Variants in MEF2C observed in about 807,000 individuals in gnomAD.
MEF2C encodes myocyte-specific enhancer factor 2C.
Under a neutral mutation model 50.5 loss-of-function variants are expected in MEF2C, and 6 were observed. The observed-to-expected ratio is 0.12, with a 90% CI of 0.07 to 0.23. The LOEUF is 0.23. MEF2C is among the 10% of genes least tolerant of loss of function. MEF2C has a pLI of 1.00. For synonymous variants in MEF2C, 183 were observed against 228.0 expected, an observed-to-expected ratio of 0.80 and a Z score of 1.78; for missense variants, 276 against 605.0, an observed-to-expected ratio of 0.46 and a Z score of 5.70.
intron 3 of MEF2C, among the ~76,000 whole-genome samples, chr5:88,789,932 T>G (rs1792921390): frequency 6.6e-6 from 1 of 152,218 alleles, no homozygotes; most frequent in African/African-American, 2.4e-5. Context: ...ATTGATTATT[T>G]TGACCAAGAA....
intron 6 of MEF2C, chr5:88,734,148 G>A (rs1167926316): frequency 2.0e-6 from 2 of 984,578 alleles, no homozygotes; most frequent in Non-Finnish European, 2.4e-6. Flanking sequence ...AATATGTTAT[G>A]AACTTAGTTT....
chr5:88,830,985 G>A (rs976308311), intron 1 of MEF2C, among the ~76,000 whole-genome samples: 2 of 152,086 alleles, frequency 1.3e-5, no homozygotes, highest in African/African-American at 4.8e-5. Context: ...AAGCAAGCTA[G>A]GCTAGAAGTT....
At chr5:88,758,241 T>C (rs1470011896) in intron 4 of MEF2C, among the ~76,000 whole-genome samples, 1 of 152,158 alleles carries the variant, frequency 6.6e-6, no homozygotes, top group Non-Finnish European at 1.5e-5. Flanking sequence ...ATACATACTG[T>C]TTCTTTCCAC....
rs181728549 is a variant in MEF2C at position 88,875,530 on chromosome 5, C to G, written c.-143+7425G>C. On this transcript the variant is annotated intron_variant, in intron 1 of 10. Transcript: ENST00000504921. ...AAAAAGTACAGATATCTGATTGGGT[C>G]TGGGTGTGCTGGAGGTAGGGGGTGG... is the stretch of plus-strand genomic sequence containing the variant. Among the ~76,000 whole-genome samples the G allele has an allele frequency of 1.9e-3, 287 of 151,830 alleles. 2 individuals are homozygous for G. The highest frequency in any genetic ancestry group is 9.6e-3 in the South Asian group (46 of 4,806).
In MEF2C at chr5:88,720,042, C is replaced by T. The variant is rs1418062525; in HGVS notation, c.*2562G>A. 6.6e-6 allele frequency: 1 copy of T among 152,166 alleles called. No individual in the cohort carries two copies. Among genetic ancestry groups the T allele is most frequent in the Non-Finnish European group, 1.5e-5 (1 of 68,010 alleles). The allele number at this position is 152,166 out of a possible 1,614,324, so 9.4% of individuals were successfully genotyped here. A position where few individuals can be genotyped will look rare whatever the true frequency, so the allele number is the denominator to read the frequency against. The stretch of plus-strand genomic sequence containing the variant: ...TTCTTCATATTTTCATGTAATGACC[C>T]TTTCCCACCCACTGGTATCTACTGA... On this transcript the variant is annotated 3_prime_UTR_variant, in exon 11 of 11. Transcript: ENST00000504921.
At chr5:88,765,467 T>G (rs1779640363) in intron 3 of MEF2C, among the ~76,000 whole-genome samples, 2 of 152,228 alleles carry the variant, frequency 1.3e-5, no homozygotes, top group Admixed American at 6.5e-5. Context: ...ATATTAAAAA[T>G]CTACAGCTGT....
intron 6 of MEF2C, chr5:88,748,346 T>C (rs1256574970): frequency 3.3e-6 from 1 of 306,368 alleles, no homozygotes; most frequent in African/African-American, 2.3e-5. Context: ...GCTGCAGAAA[T>C]TACCATGGTT....
intron 6 of MEF2C, chr5:88,738,421 A>C (rs1027887837): frequency 1.0e-6 from 1 of 960,876 alleles, no homozygotes; most frequent in Non-Finnish European, 1.2e-6. Context: ...AAGCACTTTT[A>C]ATCTTCACAA....
chr5:88,805,009 G>A (rs1225495773), intron 2 of MEF2C, among the ~76,000 whole-genome samples: 1 of 152,168 alleles, frequency 6.6e-6, no homozygotes, highest in Non-Finnish European at 1.5e-5. Context: ...GCTGCTGAAT[G>A]TGAGACTCTA....
Position 88,719,160 on chromosome 5 carries a change from A to T in MEF2C, c.*3444T>A, listed in dbSNP as rs1280220652. 1 of 152,248 alleles carries T rather than the reference A, an allele frequency of 6.6e-6. No homozygotes were observed. Among genetic ancestry groups the T allele is most frequent in the Non-Finnish European group, 1.5e-5 (1 of 68,036 alleles). The allele number at this position is 152,248 out of a possible 1,614,324, so 9.4% of individuals were successfully genotyped here. A position where few individuals can be genotyped will look rare whatever the true frequency, so the allele number is the denominator to read the frequency against. ...GGGTATGTAAGAAAAACAAATCCAT[A>T]AAAGTGTGTGAGGGCAGACATTCTT... On this transcript the variant is annotated 3_prime_UTR_variant, in exon 11 of 11. Coordinates refer to ENST00000504921, the MANE Select transcript of MEF2C (RefSeq NM_002397.5).
chr5:88,820,920 C>T (rs1808031500), intron 2 of MEF2C, among the ~76,000 whole-genome samples: 1 of 151,926 alleles, frequency 6.6e-6, no homozygotes, highest in Non-Finnish European at 1.5e-5. Context: ...TTGAAATTGT[C>T]AACAGCCTCT....
chr5:88,784,513 C>T (rs929498610), intron 3 of MEF2C, among the ~76,000 whole-genome samples: 1 of 152,118 alleles, frequency 6.6e-6, no homozygotes, highest in Non-Finnish European at 1.5e-5. Context: ...TAGTAATTCA[C>T]GTAGTACTCT....
At chr5:88,862,060 T>G (rs1466597151) in intron 1 of MEF2C, among the ~76,000 whole-genome samples, 1 of 152,188 alleles carries the variant, frequency 6.6e-6, no homozygotes, top group Non-Finnish European at 1.5e-5. Context: ...TCTTTTTTCA[T>G]TAAGTACCTG....
intron 6 of MEF2C, chr5:88,735,287 G>A (rs1763638518): frequency 9.1e-6 from 9 of 985,154 alleles, no homozygotes; most frequent in Admixed American, 1.2e-4. Flanking sequence ...TAAATTCAGG[G>A]GTCCGGGAGG....
At chr5:88,884,646 C>G (rs1361982799), upstream of MEF2C, 1 of 150,122 alleles carries the variant, frequency 6.7e-6, no homozygotes, top group Non-Finnish European at 1.5e-5. Flanking sequence ...ACATGTAAAC[C>G]AAACCAACTT....
intron 5 of MEF2C, chr5:88,749,601 A>G (rs1486087887): frequency 1.6e-6 from 1 of 641,246 alleles, no homozygotes; most frequent in Non-Finnish European, 1.9e-6. Context: ...CTGACACAAT[A>G]TAACAAATTT....
chr5:88,804,392 T>C (rs923439222), intron 3 of MEF2C: 2 of 535,472 alleles, frequency 3.7e-6, no homozygotes, highest in Admixed American at 3.1e-5. Context: ...AGATCTTACA[T>C]GGTCTCTATC....
At chr5:88,886,209 T>A (rs34875688), upstream of MEF2C, among the ~76,000 whole-genome samples, 34,890 of 152,156 alleles carry the variant, frequency 0.23, 4,025 homozygotes, top group African/African-American at 0.25. Flanking sequence ...GAAATATACA[T>A]TAGAAAATCA....
At chr5:88,723,829 G>C (rs1348209050) in intron 10 of MEF2C, among the ~76,000 whole-genome samples, 1 of 152,156 alleles carries the variant, frequency 6.6e-6, no homozygotes, top group South Asian at 2.1e-4. Flanking sequence ...TGATTTTACT[G>C]TGTTTATAAT....
Sources: gnomAD v4.1 joint callset for allele counts (sites outside exome capture counted in the v4.1 genomes callset) on GRCh38, gnomAD v4.1.1 for gene constraint, MANE v1.5 for transcripts, NCBI Gene and HGNC (gene_info 2026-07-23, HGNC 2026-07-21) for gene names.